The following DLGAP3 variants were observed in gnomAD, a reference collection of about 807,000 sequenced individuals.
DLGAP3 encodes disks large-associated protein 3.
In DLGAP3, 17 loss-of-function variants were observed where a neutral mutation model predicts 81.2. That is an observed-to-expected ratio of 0.21 (90% CI 0.14 to 0.31). The LOEUF is 0.31. Among genes scored for constraint, DLGAP3 ranks in the 10% least tolerant of loss-of-function variants. The probability of loss-of-function intolerance (pLI) is 1.00; values close to 1 mark genes in which losing one functional copy is unlikely to be tolerated. For missense variants in DLGAP3, 1,124 were observed against 1,388.0 expected, an observed-to-expected ratio of 0.81 and a Z score of 3.02; for synonymous variants, 577 against 587.4, an observed-to-expected ratio of 0.98 and a Z score of 0.26.
In DLGAP3 at chr1:34,900,222, T is replaced by A; in HGVS notation, c.1159A>T (p.Ile387Phe). 6.2e-7 allele frequency: 1 copy of A among 1,614,016 alleles called. No individual in the cohort carries two copies. Among genetic ancestry groups the A allele is most frequent in the Non-Finnish European group, 8.5e-7 (1 of 1,180,024 alleles). ...GYPTGGKDGE[I>F]PCRRMRSGSY... ...CCGCTCCGCATCCTGCGGCAGGGGA[T>A]CTCCCCATCCTTGCCACCGGTGGGG... The change falls in exon 4 of 12, where the codon ATC becomes TTC. Residue 387 changes from isoleucine (I) to phenylalanine (F), a missense_variant. Ile to Phe is a conservative substitution (Grantham distance 21). Transcript: ENST00000373347. This position sits in a 1 kb window ranked among gnomAD's most constrained non-coding sequence, Gnocchi z 5.6.
intron 5 of DLGAP3, among the ~76,000 whole-genome samples, chr1:34,896,600 C>CACACACAA (rs1485467771): frequency 1.3e-5 from 2 of 151,994 alleles, no homozygotes; most frequent in Non-Finnish European, 2.9e-5. Context: ...CACACACACA[C>CACACACAA]ACACACACAC....
At chr1:34,920,649 C>G (rs373971557) in intron 1 of DLGAP3, among the ~76,000 whole-genome samples, 2 of 152,148 alleles carry the variant, frequency 1.3e-5, no homozygotes, top group South Asian at 4.1e-4. Flanking sequence ...ACAACAGGTT[C>G]CTAACTGGTC....
At position 34,902,004 on chromosome 1, in the gene DLGAP3, G is replaced by T. The variant is rs1008231118; in HGVS notation, c.1108-1731C>A. On this transcript the variant is annotated intron_variant, in intron 3 of 11. Transcript: ENST00000373347. This position sits in a 1 kb window ranked among gnomAD's most constrained non-coding sequence, Gnocchi z 4.4. ...AGCCCTGGAAGAAGGATCGGCCTGG[G>T]ATGGGTGGTCCCAGCTTTTCCTATG... Among the ~76,000 whole-genome samples, 1 of 152,220 alleles carries T rather than the reference G, an allele frequency of 6.6e-6. No homozygotes were observed. The highest frequency in any genetic ancestry group is 1.5e-5 in the Non-Finnish European group (1 of 68,042).
Position 34,869,852 on chromosome 1 carries a change from C to T in DLGAP3, c.2001-763G>A, listed in dbSNP as rs72894106. Among the ~76,000 whole-genome samples, 692 of 152,310 alleles carry T rather than the reference C, an allele frequency of 4.5e-3. 8 individuals carry two copies. The highest frequency in any genetic ancestry group is 0.016 in the African/African-American group (669 of 41,554). On this transcript the variant is annotated intron_variant, in intron 8 of 11. Coordinates refer to ENST00000373347, the MANE Select transcript of DLGAP3 (RefSeq NM_001080418.3). ...CTGCACTAGAGTGTCCTCAGCTCTACCTAGAGATGAGTAAACTAAGTAAAC... is the reference window on the plus strand; with the variant it reads ...CTGCACTAGAGTGTCCTCAGCTCTATCTAGAGATGAGTAAACTAAGTAAAC...
intron 8 of DLGAP3, among the ~76,000 whole-genome samples, chr1:34,878,831 G>A (rs1222749182): frequency 2.0e-5 from 3 of 152,164 alleles, no homozygotes; most frequent in African/African-American, 4.8e-5. Flanking sequence ...AGCACTTTGG[G>A]AGGCCGAGGC....
rs1377579169 is a variant in DLGAP3 at position 34,900,903 on chromosome 1, G to A, written c.1108-630C>T. Among the ~76,000 whole-genome samples the A allele has an allele frequency of 6.6e-6, 1 of 152,038 alleles. No individual in the cohort carries two copies. Among genetic ancestry groups the A allele is most frequent in the African/African-American group, 2.4e-5 (1 of 41,388 alleles). On this transcript the variant is annotated intron_variant, in intron 3 of 11. Transcript: ENST00000373347. The surrounding 1 kb of genome is among the most constrained non-coding windows in gnomAD (Gnocchi z 5.6). Reference sequence around the variant, plus strand: ...CAATGAGGGGGAAGAGGAGGAGATGGAAATGAGAGGTGTTAAGGAGCATCA... The same window carrying A: ...CAATGAGGGGGAAGAGGAGGAGATGAAAATGAGAGGTGTTAAGGAGCATCA...
rs934799513 is a variant in DLGAP3 at position 34,895,092 on chromosome 1, G to C, written c.1386+4577C>G. Among the ~76,000 whole-genome samples, 1 of 152,138 alleles carries C rather than the reference G, an allele frequency of 6.6e-6. No homozygotes were observed. The highest frequency in any genetic ancestry group is 2.4e-5 in the African/African-American group (1 of 41,428). On this transcript the variant is annotated intron_variant, in intron 5 of 11. Coordinates refer to ENST00000373347, the MANE Select transcript of DLGAP3 (RefSeq NM_001080418.3). The surrounding 1 kb of genome is among the most constrained non-coding windows in gnomAD (Gnocchi z 4.5). ...AAAAATTAAAAGTAAAATAGGCCAGGAGCATTGGCTCATGCCTGTAATCCC... is the reference window on the plus strand; with the variant it reads ...AAAAATTAAAAGTAAAATAGGCCAGCAGCATTGGCTCATGCCTGTAATCCC...
chr1:34,876,567 G>A (rs561343529), intron 8 of DLGAP3, among the ~76,000 whole-genome samples: 2 of 152,260 alleles, frequency 1.3e-5, no homozygotes, highest in South Asian at 4.1e-4. Context: ...GACTTAAAGT[G>A]CCAGGGACAT....
In DLGAP3 at chr1:34,882,753, A is replaced by G. The variant is rs1247302403; in HGVS notation, c.2000+2225T>C. Among the ~76,000 whole-genome samples the G allele has an allele frequency of 2.0e-5, 3 of 152,120 alleles. No homozygotes were observed. In the East Asian group the frequency reaches 5.8e-4, roughly 29 times the overall value. ...ATGTTGCACTCCTTCTTTAACCTTT[A>G]CATGGCTACTCATTACTCATAATTA... On this transcript the variant is annotated intron_variant, in intron 8 of 11. Coordinates refer to ENST00000373347, the MANE Select transcript of DLGAP3 (RefSeq NM_001080418.3).
Position 34,904,889 on chromosome 1 carries a change from C to G in DLGAP3, c.495G>C (p.Glu165Asp). Reference sequence around the variant, plus strand: ...CCAGGTGCCGGATGCGGCTAGGGCTCTCACTGCGGGGCTCTGGGGCAGTGC... The same window carrying G: ...CCAGGTGCCGGATGCGGCTAGGGCTGTCACTGCGGGGCTCTGGGGCAGTGC... ...GTGTAPEPRSESPSRIRHLVH... is the reference protein window; with the variant it reads ...GTGTAPEPRSDSPSRIRHLVH... Residue 165 changes from glutamate (E) to aspartate (D), a missense_variant, in exon 3 of 12, where the codon GAG becomes GAC. Transcript: ENST00000373347. This position sits in a 1 kb window ranked among gnomAD's most constrained non-coding sequence, Gnocchi z 8.1. The G allele has an allele frequency of 6.2e-7, 1 of 1,611,228 alleles. No individual in the cohort carries two copies.
In DLGAP3 at chr1:34,867,524, A is replaced by G. The variant is rs2148390898; in HGVS notation, c.2577+12T>C. On this transcript the variant is annotated intron_variant, in intron 10 of 11. Coordinates refer to ENST00000373347, the MANE Select transcript of DLGAP3 (RefSeq NM_001080418.3). This position sits in a 1 kb window ranked among gnomAD's most constrained non-coding sequence, Gnocchi z 4.3. ...CATGTATCTGGTAGGATCTACTACT[A>G]TGGGCACTCACCATGCTTTGCTGAC... 4 of 1,608,672 alleles carry G rather than the reference A, an allele frequency of 2.5e-6. No individual in the cohort carries two copies. Among genetic ancestry groups the G allele is most frequent in the East Asian group, 2.2e-5 (1 of 44,866 alleles).
At chr1:34,877,331 A>C (rs948099828) in intron 8 of DLGAP3, among the ~76,000 whole-genome samples, 1 of 152,200 alleles carries the variant, frequency 6.6e-6, no homozygotes, top group Non-Finnish European at 1.5e-5. Context: ...TGGAAGGAGG[A>C]TGCTGGGAAA....
At chr1:34,911,589 G>A (rs186374259) in intron 1 of DLGAP3, among the ~76,000 whole-genome samples, 2 of 152,156 alleles carry the variant, frequency 1.3e-5, no homozygotes, top group African/African-American at 4.8e-5. Flanking sequence ...GGAGGGTGCC[G>A]TGTGTGACAA....
intron 1 of DLGAP3, among the ~76,000 whole-genome samples, chr1:34,922,463 C>T (rs1452620472): frequency 1.3e-5 from 2 of 152,078 alleles, no homozygotes; most frequent in Non-Finnish European, 1.5e-5. Flanking sequence ...TATATGCATG[C>T]CCCACATACA....
chr1:34,903,669 A>G (rs12120523), intron 3 of DLGAP3, among the ~76,000 whole-genome samples: 16,019 of 152,196 alleles, frequency 0.11, 1,029 homozygotes, highest in Non-Finnish European at 0.15. Context: ...GAATTGTATC[A>G]GGGCTGAAAC....
rs1557452072 is a variant in DLGAP3 at position 34,868,797 on chromosome 1, C to CGGGGGT, written c.2287_2292dup (p.Thr763_Pro764dup). On this transcript the variant is annotated inframe_insertion, in exon 9 of 12. Coordinates refer to ENST00000373347, the MANE Select transcript of DLGAP3 (RefSeq NM_001080418.3). The surrounding 1 kb of genome is among the most constrained non-coding windows in gnomAD (Gnocchi z 7.5). The stretch of plus-strand genomic sequence containing the variant: ...GAGTCACGGCGGCCGGCCCCAGGGC[C>CGGGGGT]GGGGGTGGGGGCGGGGGCAGGGCCG... The CGGGGGT allele has an allele frequency of 1.3e-6, 2 of 1,573,392 alleles. No individual in the cohort carries two copies. The highest frequency in any genetic ancestry group is 1.1e-5 in the South Asian group (1 of 88,146).
intron 1 of DLGAP3, among the ~76,000 whole-genome samples, chr1:34,912,268 A>G (rs1238468278): frequency 1.3e-5 from 2 of 152,180 alleles, no homozygotes; most frequent in African/African-American, 2.4e-5. Flanking sequence ...TCTCTGGATG[A>G]CCATCTAAGA....
chr1:34,916,747 G>A (rs1639723873), intron 1 of DLGAP3, among the ~76,000 whole-genome samples: 1 of 151,688 alleles, frequency 6.6e-6, no homozygotes, highest in African/African-American at 2.4e-5. Flanking sequence ...CCAGGCTGGA[G>A]TGCAGTGGCA....
chr1:34,886,426 TCTAA>T (rs1639231489), intron 5 of DLGAP3, 141 bp from the exon 6 acceptor site: 3 of 838,612 alleles, frequency 3.6e-6, no homozygotes, highest in East Asian at 2.7e-5. Context: ...TAAAAGAAAC[TCTAA>T]CTCTTTGCAA....
Sources: allele counts gnomAD v4.1 joint callset (sites outside exome capture counted in the v4.1 genomes callset), GRCh38; gene constraint gnomAD v4.1.1; non-coding constraint Gnocchi (gnomAD v3.1); transcripts MANE v1.5; gene names NCBI Gene and HGNC (gene_info 2026-07-23, HGNC 2026-07-21).